LPXN: variants seen among roughly 807,000 people sequenced by gnomAD.
LPXN encodes leupaxin.
LPXN carries 28 observed loss-of-function variants against 45.6 expected under a neutral mutation model. The observed-to-expected ratio is 0.61, with a 90% CI of 0.45 to 0.84. The LOEUF is 0.84. LPXN is among the 40% of genes least tolerant of loss of function. The pLI, the probability that LPXN is intolerant of heterozygous loss-of-function variation, is 0.00. For missense variants in LPXN, 459 were observed against 475.0 expected (o/e 0.97, Z 0.31); for synonymous variants, 166 against 169.9 (o/e 0.98, Z 0.18).
chr11:58,536,972 C>T (rs914722686), intron 7 of LPXN, among the ~76,000 whole-genome samples: 15 of 151,920 alleles, frequency 9.9e-5, no homozygotes, highest in African/African-American at 1.5e-4. Context: ...TACCATCTCA[C>T]GCCAGTTAGA....
chr11:58,578,800 G>A (rs1855005946), upstream of LPXN, among the ~76,000 whole-genome samples: 3 of 152,102 alleles, frequency 2.0e-5, no homozygotes, highest in African/African-American at 7.2e-5. Flanking sequence ...TCCCTCGCGA[G>A]ACCTGCCCCT....
At chr11:58,566,983 T>A (rs1038680492) in intron 2 of LPXN, among the ~76,000 whole-genome samples, 1 of 151,860 alleles carries the variant, frequency 6.6e-6, no homozygotes. Flanking sequence ...GTTTTGTAGA[T>A]CAGTTACTTA....
chr11:58,537,513 G>A (rs907279693), intron 7 of LPXN, among the ~76,000 whole-genome samples: 1 of 152,070 alleles, frequency 6.6e-6, no homozygotes, highest in African/African-American at 2.4e-5. Context: ...GCCTGATGGA[G>A]GCAGGGGACT....
chr11:58,536,016 A>G (rs1192044190), intron 7 of LPXN, among the ~76,000 whole-genome samples: 2 of 152,220 alleles, frequency 1.3e-5, no homozygotes, highest in African/African-American at 4.8e-5. Flanking sequence ...AACAGGACAC[A>G]ATCAAATGGA....
At chr11:58,565,587 G>T (rs1033444994) in intron 2 of LPXN, among the ~76,000 whole-genome samples, 6 of 151,774 alleles carry the variant, frequency 4.0e-5, no homozygotes, top group African/African-American at 1.5e-4. Context: ...TATATTGGTG[G>T]ACCTATAAGA....
At chr11:58,542,770 T>C (rs551059938) in intron 7 of LPXN, among the ~76,000 whole-genome samples, 1 of 152,116 alleles carries the variant, frequency 6.6e-6, no homozygotes, top group African/African-American at 2.4e-5. Flanking sequence ...AATGCTTAAG[T>C]ATAAAAAAAG....
At chr11:58,529,218 A>G (rs1340541470) in intron 7 of LPXN, among the ~76,000 whole-genome samples, 1 of 152,244 alleles carries the variant, frequency 6.6e-6, no homozygotes, top group Non-Finnish European at 1.5e-5. Flanking sequence ...AAAAATCACC[A>G]TAAACAAAGA....
At chr11:58,559,784 G>A (rs927409867) in intron 3 of LPXN, among the ~76,000 whole-genome samples, 1 of 152,092 alleles carries the variant, frequency 6.6e-6, no homozygotes, top group African/African-American at 2.4e-5. Flanking sequence ...GCTGAGATGA[G>A]AAAATAACTT....
rs568938864 is a variant in LPXN at position 58,567,853 on chromosome 11, A to T, written c.171+2703T>A. Among the ~76,000 whole-genome samples, 7 of 152,336 alleles carry T rather than the reference A, an allele frequency of 4.6e-5. No homozygotes were observed. In the East Asian group the frequency reaches 1.3e-3, roughly 29 times the overall value. On this transcript the variant is annotated intron_variant, in intron 2 of 8. Transcript: ENST00000395074. The stretch of plus-strand genomic sequence containing the variant: ...TAACTGCTGAAAGGGTTTATTGTAA[A>T]ATTCAAAAGGCATTACCATATAATA...
upstream of LPXN, among the ~76,000 whole-genome samples, chr11:58,578,567 C>G (rs1854991688): frequency 6.6e-6 from 1 of 152,182 alleles, no homozygotes; most frequent in Non-Finnish European, 1.5e-5. Flanking sequence ...AAATACTACC[C>G]CCTTCTCCGC....
chr11:58,556,196 G>A (rs1019394593), intron 3 of LPXN, among the ~76,000 whole-genome samples: 2 of 151,968 alleles, frequency 1.3e-5, no homozygotes, highest in African/African-American at 4.8e-5. Context: ...TGGCTAGGTG[G>A]TGTTTATACT....
chr11:58,549,360 C>T lies in LPXN; in HGVS notation c.742+426G>A, dbSNP rs371180099. On this transcript the variant is annotated intron_variant, in intron 7 of 8. Coordinates refer to ENST00000395074, the MANE Select transcript of LPXN (RefSeq NM_004811.3). ...AGTGGGCGGAGATCGCACCAGAGAT[C>T]GCACCACTGCACTCCAGCCTGGGCA... 2.0e-4 allele frequency among the ~76,000 whole-genome samples: 30 copies of T among 152,198 alleles called. No individual in the cohort carries two copies. The South Asian group carries it at 2.3e-3, about 12-fold the overall frequency.
chr11:58,531,495 A>G (rs1020935573), intron 7 of LPXN, among the ~76,000 whole-genome samples: 1 of 152,040 alleles, frequency 6.6e-6, no homozygotes, highest in Non-Finnish European at 1.5e-5. Context: ...AAGCAAGAGG[A>G]CAAGATTAGA....
chr11:58,533,380 T>A (rs1016810432), intron 7 of LPXN, among the ~76,000 whole-genome samples: 5 of 152,068 alleles, frequency 3.3e-5, no homozygotes, highest in African/African-American at 1.2e-4. Flanking sequence ...TCAACATTCT[T>A]AAAAGCATTT....
At chr11:58,529,913 T>C (rs1267975719) in intron 7 of LPXN, among the ~76,000 whole-genome samples, 1 of 152,112 alleles carries the variant, frequency 6.6e-6, no homozygotes, top group East Asian at 1.9e-4. Context: ...GGGTGTTGCC[T>C]CACCCAGAAA....
intron 1 of LPXN, among the ~76,000 whole-genome samples, chr11:58,573,733 G>T (rs191114892): frequency 6.6e-6 from 1 of 152,194 alleles, no homozygotes; most frequent in African/African-American, 2.4e-5. Flanking sequence ...TGGGGGCGGG[G>T]GAAGTGGGGA....
intron 2 of LPXN, among the ~76,000 whole-genome samples, chr11:58,569,741 T>C (rs1489371104): frequency 6.6e-6 from 1 of 152,170 alleles, no homozygotes; most frequent in Admixed American, 6.5e-5. Context: ...TAGTTTGAGT[T>C]GGTTCCCTAG....
At position 58,551,041 on chromosome 11, in the gene LPXN, G is replaced by A. The variant is rs772277986; in HGVS notation, c.486+24C>T. 1.2e-5 allele frequency: 18 copies of A among 1,531,852 alleles called. No homozygotes were observed. The South Asian group carries it at 2.3e-4, about 20-fold the overall frequency. 94.9% of individuals were successfully genotyped at this position (1,531,852 alleles called of 1,614,324 possible). ...CAGAGAGAGACAAAGAAGGCTGTAG[G>A]ACCAAAATTTCAGCCCATCTCACCT... On this transcript the variant is annotated intron_variant, in intron 5 of 8. Coordinates refer to ENST00000395074, the MANE Select transcript of LPXN (RefSeq NM_004811.3).
At position 58,527,867 on chromosome 11, in the gene LPXN, G is replaced by C. The variant is rs1225484749; in HGVS notation, c.892-144C>G. ...TCAGGTTCTTGACAAATGGAGACTA[G>C]ATTTCCCGCTTGCAAAACAGACAAG... On this transcript the variant is annotated intron_variant, in intron 8 of 8. Coordinates refer to ENST00000395074, the MANE Select transcript of LPXN (RefSeq NM_004811.3). 3.5e-6 allele frequency: 4 copies of C among 1,126,918 alleles called. No individual in the cohort carries two copies. The East Asian group carries it at 1.0e-4, about 28-fold the overall frequency. 69.8% of individuals were successfully genotyped at this position (1,126,918 alleles called of 1,614,324 possible).
Sources: allele counts gnomAD v4.1 joint callset (sites outside exome capture counted in the v4.1 genomes callset), GRCh38; gene constraint gnomAD v4.1.1; transcripts MANE v1.5; gene names NCBI Gene and HGNC (gene_info 2026-07-23, HGNC 2026-07-21).